Variants in PHLDB2 observed in about 807,000 individuals in gnomAD.
PHLDB2 encodes the protein pleckstrin homology-like domain family B member 2.
PHLDB2 carries 71 observed loss-of-function variants against 123.6 expected under a neutral mutation model. The observed-to-expected ratio is 0.57, with a 90% CI of 0.47 to 0.70. The LOEUF is 0.70. PHLDB2 is among the 30% of genes least tolerant of loss of function. PHLDB2 has a pLI of 0.00. For synonymous variants in PHLDB2, 547 were observed against 541.6 expected (o/e 1.01, Z -0.14); for missense variants, 1,446 against 1,519.5 (o/e 0.95, Z 0.80).
chr3:111,884,325 C>A lies in PHLDB2; in HGVS notation c.248C>A (p.Pro83His). 9 of 1,614,148 alleles carry A rather than the reference C, an allele frequency of 5.6e-6. No homozygotes were observed. Among genetic ancestry groups the A allele is most frequent in the Non-Finnish European group, 7.6e-6 (9 of 1,180,046 alleles). ...SPLGTSVRSS[P>H]SLAKIQGSKQ... ...TTGGGAACCAGTGTCAGAAGCAGCC[C>A]CTCCTTAGCCAAAATCCAGGGAAGC... is the stretch of plus-strand genomic sequence containing the variant. Residue 83 changes from proline (P) to histidine (H), a missense_variant, in exon 2 of 18, where the codon CCC becomes CAC. Physicochemically the swap from Pro to His is moderately conservative, Grantham distance 77. Around this residue, in one of 3 missense-constraint regions of PHLDB2, gnomAD observed 832 missense variants for 831.9 expected, o/e 1.00. Coordinates refer to ENST00000431670, the MANE Select transcript of PHLDB2 (RefSeq NM_001134438.2).
intron 1 of PHLDB2, among the ~76,000 whole-genome samples, chr3:111,864,436 A>G (rs1352154089): frequency 3.3e-5 from 5 of 152,226 alleles, no homozygotes; most frequent in Non-Finnish European, 4.4e-5. Flanking sequence ...ACTTCTCTCT[A>G]TGTTCATCCA....
At chr3:111,859,716 G>A (rs1427200122) in intron 1 of PHLDB2, 140 bp downstream of exon 1, 12 of 985,148 alleles carry the variant, frequency 1.2e-5, no homozygotes, top group African/African-American at 5.2e-5. Context: ...GGGCGGAGAG[G>A]AGGCAGTGGC....
intron 5 of PHLDB2, among the ~76,000 whole-genome samples, chr3:111,926,294 T>TA (rs2068809218): frequency 6.6e-6 from 1 of 152,222 alleles, no homozygotes; most frequent in Admixed American, 6.5e-5. Context: ...AAGTACCTGT[T>TA]ACTTCCTCCC....
intron 6 of PHLDB2, among the ~76,000 whole-genome samples, chr3:111,938,340 A>G (rs1354798771): frequency 6.6e-6 from 1 of 152,176 alleles, no homozygotes; most frequent in Non-Finnish European, 1.5e-5. Context: ...AATTGTTACA[A>G]TTGCTAAACC....
At chr3:111,838,005 G>T (rs936569107) in intron 1 of PHLDB2, among the ~76,000 whole-genome samples, 1 of 151,768 alleles carries the variant, frequency 6.6e-6, no homozygotes, top group East Asian at 1.9e-4. Context: ...TCGTCCCACC[G>T]CACTCCAGCC....
chr3:111,762,716 T>A (rs1024742195), intron 1 of PHLDB2, among the ~76,000 whole-genome samples: 4 of 152,186 alleles, frequency 2.6e-5, no homozygotes, highest in African/African-American at 9.7e-5. Flanking sequence ...AATGGAAAAT[T>A]TCTGTAACAC....
chr3:111,922,306 G>A (rs1339438501), intron 5 of PHLDB2, among the ~76,000 whole-genome samples: 1 of 152,194 alleles, frequency 6.6e-6, no homozygotes, highest in Non-Finnish European at 1.5e-5. Flanking sequence ...CAAAAGTGAA[G>A]CAAGTTGAGC....
At chr3:111,927,189 A>G (rs978028358) in intron 5 of PHLDB2, among the ~76,000 whole-genome samples, 2 of 152,000 alleles carry the variant, frequency 1.3e-5, no homozygotes, top group Non-Finnish European at 2.9e-5. Flanking sequence ...CAGGAAGGAA[A>G]GGGATTTTTA....
intron 1 of PHLDB2, among the ~76,000 whole-genome samples, chr3:111,795,350 A>G (rs2061107087): frequency 6.6e-6 from 1 of 152,126 alleles, no homozygotes; most frequent in African/African-American, 2.4e-5. Context: ...TTCAGTCGTC[A>G]CCAAAGTGCA....
chr3:111,893,685 G>T (rs1189697845), intron 2 of PHLDB2, among the ~76,000 whole-genome samples: 2 of 145,454 alleles, frequency 1.4e-5, no homozygotes, highest in African/African-American at 5.1e-5. Context: ...TGTTTGGAGG[G>T]TTTATCAGAT....
At chr3:111,752,219 A>AGTGTGTGTGTGTGT (rs57931243) in intron 1 of PHLDB2, among the ~76,000 whole-genome samples, 178 of 146,974 alleles carry the variant, frequency 1.2e-3, no homozygotes, top group East Asian at 7.8e-3. Context: ...GAAGTTTCTA[A>AGTGTGTGTGTGTGT]GTGTGTGTGT....
At chr3:111,939,354 C>T in intron 6 of PHLDB2, 121 bp from the exon 7 acceptor site, 3 of 1,013,384 alleles carry the variant, frequency 3.0e-6, no homozygotes, top group South Asian at 3.3e-5. Flanking sequence ...ATGTTCTAAC[C>T]CTGGTCAATA....
At chr3:111,925,641 G>T (rs1408538883) in intron 5 of PHLDB2, among the ~76,000 whole-genome samples, 1 of 152,180 alleles carries the variant, frequency 6.6e-6, no homozygotes, top group African/African-American at 2.4e-5. Context: ...CATTTAATGG[G>T]CCTGGTGACA....
chr3:111,753,716 T>G (rs2059828458), intron 1 of PHLDB2, among the ~76,000 whole-genome samples: 1 of 152,232 alleles, frequency 6.6e-6, no homozygotes, highest in Admixed American at 6.5e-5. Flanking sequence ...AGATATGAAG[T>G]CCTTGCCCAT....
chr3:111,967,941 T>C (rs1239095121), intron 15 of PHLDB2, 117 bp downstream of exon 15: 3 of 537,628 alleles, frequency 5.6e-6, no homozygotes, highest in Non-Finnish European at 8.3e-6. Flanking sequence ...GCACTTGACA[T>C]GTAAGGGTTA....
chr3:111,966,517 GT>G lies in PHLDB2; in HGVS notation c.3078-95del, dbSNP rs2071771659. 2.3e-5 allele frequency: 13 copies of G among 569,764 alleles called. No individual in the cohort carries two copies. The African/African-American group carries it at 2.3e-4, about 10-fold the overall frequency. The allele number at this position is 569,764 out of a possible 1,614,324, so 35.3% of individuals were successfully genotyped here. A position where few individuals can be genotyped will look rare whatever the true frequency, so the allele number is the denominator to read the frequency against. On this transcript the variant is annotated intron_variant, in intron 13 of 17. Transcript: ENST00000431670. ...CTTGACCCCATGTGTGTGTGTGTGT[GT>G]GTGTCTGGGGTGTGTGTGTGTGTGT... is the stretch of plus-strand genomic sequence containing the variant.
chr3:111,831,046 A>G lies in PHLDB2; in HGVS notation c.-48-14775A>G, dbSNP rs527773814. ...GAAAGAAAGAAAGGAAGGAAGGAAG[A>G]AAGAGAAAAGAGAGAGATAGAGAGA... On this transcript the variant is annotated intron_variant, in intron 1 of 17. Transcript: ENST00000393923. 1.9e-3 allele frequency among the ~76,000 whole-genome samples: 278 copies of G among 142,800 alleles called. 14 individuals carry two copies. Among genetic ancestry groups the G allele is most frequent in the Admixed American group, 0.017 (240 of 14,016 alleles). The allele number at this position is 142,800 out of a possible 152,430, so 93.7% of individuals were successfully genotyped here.
At chr3:111,803,617 G>A (rs2061461895) in intron 1 of PHLDB2, among the ~76,000 whole-genome samples, 1 of 152,186 alleles carries the variant, frequency 6.6e-6, no homozygotes, top group Non-Finnish European at 1.5e-5. Flanking sequence ...TAGCACATGA[G>A]TGGGAGGAAA....
chr3:111,780,127 A>G (rs1010100970), intron 1 of PHLDB2, among the ~76,000 whole-genome samples: 1 of 151,164 alleles, frequency 6.6e-6, no homozygotes, highest in African/African-American at 2.4e-5. Flanking sequence ...CCCCCACCAA[A>G]ACTCATGCTG....
Sources: gnomAD v4.1 joint callset for allele counts (sites outside exome capture counted in the v4.1 genomes callset) on GRCh38, gnomAD v4.1.1 for gene constraint, gnomAD v4.1.1 regional missense constraint, MANE v1.5 for transcripts, NCBI Gene and HGNC (gene_info 2026-07-23, HGNC 2026-07-21) for gene names.